SEMA4D: variants seen among roughly 807,000 people sequenced by gnomAD.
SEMA4D encodes the protein semaphorin-4D.
In SEMA4D, 22 loss-of-function variants were observed where a neutral mutation model predicts 74.8. That is an observed-to-expected ratio of 0.29 (90% CI 0.21 to 0.42). SEMA4D has a LOEUF of 0.42. Ranked by LOEUF, SEMA4D falls within the 10% of genes least tolerant of loss-of-function variation. The probability of loss-of-function intolerance (pLI) is 1.00; values close to 1 mark genes in which losing one functional copy is unlikely to be tolerated. For missense variants in SEMA4D, 937 were observed against 1,118.4 expected (o/e 0.84, Z 2.31); for synonymous variants, 445 against 463.7 (o/e 0.96, Z 0.52).
intron 2 of SEMA4D, among the ~76,000 whole-genome samples, chr9:89,422,463 G>A (rs1162110921): frequency 2.6e-5 from 4 of 152,236 alleles, no homozygotes; most frequent in Non-Finnish European, 5.9e-5. Flanking sequence ...AGCCATGCAA[G>A]AGGAGACCTG....
intron 1 of SEMA4D, among the ~76,000 whole-genome samples, chr9:89,467,219 T>C (rs374743180): frequency 3.3e-5 from 5 of 152,170 alleles, no homozygotes; most frequent in East Asian, 1.9e-4. Context: ...GTGCCCACCC[T>C]TTCTCCTCAC....
intron 2 of SEMA4D, among the ~76,000 whole-genome samples, chr9:89,432,336 G>A (rs903025387): frequency 2.6e-5 from 4 of 152,230 alleles, no homozygotes; most frequent in African/African-American, 9.6e-5. Flanking sequence ...TAAGCCTGGA[G>A]ATCTGGGGAC....
At chr9:89,363,936 G>C (rs753815511) in exon 17 of SEMA4D, 3 of 1,613,962 alleles carry the variant, frequency 1.9e-6, no homozygotes, top group Non-Finnish European at 1.7e-6. Flanking sequence ...CAGACAAAGC[G>C]AATGTCTGCA....
chr9:89,468,552 C>T (rs554179361), intron 1 of SEMA4D, among the ~76,000 whole-genome samples: 10 of 152,326 alleles, frequency 6.6e-5, no homozygotes, highest in African/African-American at 2.4e-4. Context: ...TCCTTTTGGC[C>T]TTATTTTTCT....
At chr9:89,470,743 CAA>C (rs1859968861) in intron 1 of SEMA4D, among the ~76,000 whole-genome samples, 1 of 152,100 alleles carries the variant, frequency 6.6e-6, no homozygotes, top group African/African-American at 2.4e-5. Context: ...TTGATACCTG[CAA>C]CAGCTGGAAT....
At chr9:89,443,967 T>G (rs1269729927) in intron 2 of SEMA4D, among the ~76,000 whole-genome samples, 1 of 152,162 alleles carries the variant, frequency 6.6e-6, no homozygotes. Context: ...AGTGACACGG[T>G]CACCCCACTG....
chr9:89,382,399 G>A (rs964763451), intron 13 of SEMA4D, among the ~76,000 whole-genome samples: 4 of 152,214 alleles, frequency 2.6e-5, no homozygotes, highest in African/African-American at 9.7e-5. Flanking sequence ...CATCCTCAGA[G>A]GATACGCTCG....
At chr9:89,395,341 T>C (rs55662725) in intron 6 of SEMA4D, among the ~76,000 whole-genome samples, 56 of 152,056 alleles carry the variant, frequency 3.7e-4, no homozygotes, top group African/African-American at 1.3e-3. Flanking sequence ...GGAGAATCGC[T>C]TGAACCCAGG....
At position 89,387,382 on chromosome 9, in the gene SEMA4D, C is replaced by T; in HGVS notation, c.1330+4G>A. 6.2e-7 allele frequency: 1 copy of T among 1,602,888 alleles called. No homozygotes were observed. The highest frequency in any genetic ancestry group is 2.2e-5 in the East Asian group (1 of 44,554). The stretch of plus-strand genomic sequence containing the variant: ...GTCAAGCCTGCCAAGCCCTCGGAAC[C>T]CACCTGTGCTGACAAACATGACATC... On this transcript the variant is annotated splice_donor_region_variant and intron_variant, in intron 12 of 15. Coordinates refer to ENST00000422704, the MANE Select transcript of SEMA4D (RefSeq NM_001371194.2).
rs777224865 is a variant in SEMA4D, at chr9:89,387,600, G to A, written c.1116C>T (p.Asp372=). Residue 372 remains aspartate (D), a synonymous_variant, in exon 12 of 16, where the codon GAC becomes GAT. Coordinates refer to ENST00000422704, the MANE Select transcript of SEMA4D (RefSeq NM_001371194.2). ...TGTAGTTGGCGGCCCGTGCCTCGCTGTCGATGCACTGCAGGGAGAAAATCC... is the reference window on the plus strand; with the variant it reads ...TGTAGTTGGCGGCCCGTGCCTCGCTATCGATGCACTGCAGGGAGAAAATCC... ...VPKPRPGACI[D]SEARAANYTS... is the part of the protein sequence containing the mutation. 33 of 1,613,942 alleles carry A rather than the reference G, an allele frequency of 2.0e-5. No individual in the cohort carries two copies. The South Asian group carries it at 3.2e-4, about 16-fold the overall frequency.
chr9:89,430,335 G>A (rs1848998919), intron 2 of SEMA4D, among the ~76,000 whole-genome samples: 1 of 152,172 alleles, frequency 6.6e-6, no homozygotes, highest in African/African-American at 2.4e-5. Flanking sequence ...CAAGGGGCCT[G>A]GACCCCACTT....
At chr9:89,450,687 A>AAAAAAAAAAAAAAAAAT in intron 2 of SEMA4D, 1 of 982,318 alleles carries the variant, frequency 1.0e-6, no homozygotes, top group Non-Finnish European at 1.5e-6. Context: ...AAAAAAAAAA[A>AAAAAAAAAAAAAAAAAT]GGCCTCCAAG....
intron 3 of SEMA4D, among the ~76,000 whole-genome samples, chr9:89,403,707 C>T (rs1376221580): frequency 6.6e-6 from 1 of 152,140 alleles, no homozygotes; most frequent in Non-Finnish European, 1.5e-5. Context: ...TTCAACTGTC[C>T]TGACAACAAT....
downstream of SEMA4D, among the ~76,000 whole-genome samples, chr9:89,373,898 T>A (rs187626390): frequency 3.7e-3 from 560 of 152,324 alleles, 2 homozygotes; most frequent in Non-Finnish European, 6.1e-3. Flanking sequence ...GTGGCCTCTG[T>A]CGCAGGAAGC....
At chr9:89,433,859 A>C (rs1018280546) in intron 2 of SEMA4D, among the ~76,000 whole-genome samples, 1 of 152,172 alleles carries the variant, frequency 6.6e-6, no homozygotes, top group African/African-American at 2.4e-5. Context: ...ATACCCCAGT[A>C]GCTCCGCACT....
chr9:89,396,972 G>C (rs532945496), intron 5 of SEMA4D, 137 bp from the exon 6 acceptor site: 3 of 724,670 alleles, frequency 4.1e-6, no homozygotes, highest in African/African-American at 3.5e-5. Context: ...CCAGGCCAAC[G>C]AGGCATGTGT....
chr9:89,366,464 C>T (rs1833686691), intron 16 of SEMA4D, among the ~76,000 whole-genome samples: 1 of 152,182 alleles, frequency 6.6e-6, no homozygotes. Flanking sequence ...CCATCTGGCC[C>T]TGGCCTGGTG....
chr9:89,405,553 A>G lies in SEMA4D; in HGVS notation c.-97T>C, dbSNP rs1469170873. On this transcript the variant is annotated 5_prime_UTR_variant, in exon 3 of 16. Coordinates refer to ENST00000422704, the MANE Select transcript of SEMA4D (RefSeq NM_001371194.2). ...TGCAGATGCGGCTCAGCGCCCCAGGACCAGGGCCAGCAGCACAGCCTGGAG... is the reference window on the plus strand; with the variant it reads ...TGCAGATGCGGCTCAGCGCCCCAGGGCCAGGGCCAGCAGCACAGCCTGGAG... 1 of 1,538,480 alleles carries G rather than the reference A, an allele frequency of 6.5e-7. No homozygotes were observed. The highest frequency in any genetic ancestry group is 8.7e-7 in the Non-Finnish European group (1 of 1,147,116).
At chr9:89,419,477 C>T (rs768146024) in intron 2 of SEMA4D, among the ~76,000 whole-genome samples, 3 of 152,152 alleles carry the variant, frequency 2.0e-5, no homozygotes, top group African/African-American at 4.8e-5. Flanking sequence ...CTTGTTTCCA[C>T]GAGGCCTTCC....
Sources: gnomAD v4.1 joint callset for allele counts (sites outside exome capture counted in the v4.1 genomes callset) on GRCh38, gnomAD v4.1.1 for gene constraint, MANE v1.5 for transcripts, NCBI Gene and HGNC (gene_info 2026-07-23, HGNC 2026-07-21) for gene names.